WDR70: variants seen among roughly 807,000 people sequenced by gnomAD.
The protein encoded by WDR70 is WD repeat domain 70.
Under a neutral mutation model 88.6 loss-of-function variants are expected in WDR70, and 53 were observed. The ratio of observed to expected loss-of-function variants is 0.60; its 90% CI spans 0.48 to 0.75. The LOEUF (loss-of-function observed/expected upper bound fraction) is 0.75. Among genes scored for constraint, WDR70 ranks in the 30% least tolerant of loss-of-function variants. The pLI, the probability that WDR70 is intolerant of heterozygous loss-of-function variation, is 0.00. For synonymous variants in WDR70, 280 were observed against 270.0 expected (o/e 1.04, Z -0.36); for missense variants, 610 against 823.2 (o/e 0.74, Z 3.17).
At chr5:37,734,651 A>G (rs1748246737) in intron 17 of WDR70, among the ~76,000 whole-genome samples, 1 of 152,088 alleles carries the variant, frequency 6.6e-6, no homozygotes. Flanking sequence ...AGGCGGAGAA[A>G]AGGCGCTATT....
intron 10 of WDR70, among the ~76,000 whole-genome samples, chr5:37,668,245 A>C (rs1008690844): frequency 5.9e-5 from 9 of 152,182 alleles, no homozygotes; most frequent in Non-Finnish European, 1.5e-5. Flanking sequence ...TTTTTTTCCC[A>C]GTAAAAATTA....
At chr5:37,750,840 G>C (rs989186347) in intron 17 of WDR70, among the ~76,000 whole-genome samples, 1 of 152,174 alleles carries the variant, frequency 6.6e-6, no homozygotes, top group Non-Finnish European at 1.5e-5. Flanking sequence ...CCTAGTCTCA[G>C]ATATGTCTTT....
rs146528064 is a variant in WDR70, at chr5:37,535,179, G to C, written c.917+18589G>C. Among the ~76,000 whole-genome samples the C allele has an allele frequency of 2.6e-4, 39 of 151,926 alleles. No homozygotes were observed. The East Asian group carries it at 7.5e-3, about 29-fold the overall frequency. On this transcript the variant is annotated intron_variant, in intron 9 of 17. Transcript: ENST00000265107. ...AAAACGATAAAGAGTAGGAGAGAGG[G>C]GTCTACTGCACGTAGAGTAGTCAGA...
At chr5:37,695,560 T>C (rs1746955977) in intron 10 of WDR70, among the ~76,000 whole-genome samples, 1 of 152,204 alleles carries the variant, frequency 6.6e-6, no homozygotes, top group Admixed American at 6.5e-5. Context: ...AGCTCATTGG[T>C]TGTTGGCAGG....
At chr5:37,468,757 A>G (rs1739237086) in intron 7 of WDR70, among the ~76,000 whole-genome samples, 1 of 152,254 alleles carries the variant, frequency 6.6e-6, no homozygotes, top group African/African-American at 2.4e-5. Flanking sequence ...AAAAAATTGC[A>G]TCTGTACTGA....
intron 17 of WDR70, 79 bp downstream of exon 17, chr5:37,727,124 T>G: frequency 6.7e-7 from 1 of 1,495,714 alleles, no homozygotes. Flanking sequence ...TGTTTTTGAG[T>G]TCTAACTTCT....
At chr5:37,710,955 T>C (rs948252653) in intron 13 of WDR70, among the ~76,000 whole-genome samples, 1 of 152,010 alleles carries the variant, frequency 6.6e-6, no homozygotes, top group Non-Finnish European at 1.5e-5. Flanking sequence ...CTGAAAAGTA[T>C]GTAGGTCTCT....
chr5:37,562,638 T>C (rs1288600937), intron 9 of WDR70, among the ~76,000 whole-genome samples: 1 of 151,868 alleles, frequency 6.6e-6, no homozygotes, highest in Non-Finnish European at 1.5e-5. Context: ...GATTAGGGAG[T>C]GGTGATGACT....
chr5:37,548,910 A>T (rs1742068833), intron 9 of WDR70, among the ~76,000 whole-genome samples: 1 of 152,074 alleles, frequency 6.6e-6, no homozygotes, highest in Non-Finnish European at 1.5e-5. Context: ...TCTTTTCCTC[A>T]GTGTATGTTC....
At chr5:37,702,322 G>A (rs1334218763) in intron 12 of WDR70, among the ~76,000 whole-genome samples, 1 of 152,176 alleles carries the variant, frequency 6.6e-6, no homozygotes, top group Non-Finnish European at 1.5e-5. Context: ...CCTGCTGCAA[G>A]TAATGCTAAC....
chr5:37,629,685 C>T (rs895672885), intron 10 of WDR70, among the ~76,000 whole-genome samples: 6 of 151,936 alleles, frequency 3.9e-5, no homozygotes, highest in Non-Finnish European at 8.8e-5. Context: ...AGTTGTTTTC[C>T]TGATTTTGTT....
intron 7 of WDR70, among the ~76,000 whole-genome samples, chr5:37,473,276 A>T (rs920675666): frequency 6.6e-6 from 1 of 150,906 alleles, no homozygotes; most frequent in African/African-American, 2.4e-5. Context: ...ATACACGTAC[A>T]CACACAGCAA....
intron 10 of WDR70, among the ~76,000 whole-genome samples, chr5:37,633,083 G>T (rs1184412669): frequency 4.6e-5 from 7 of 152,120 alleles, no homozygotes; most frequent in African/African-American, 1.7e-4. Flanking sequence ...GCTATTCCAT[G>T]TAAGTCTTAC....
intron 10 of WDR70, among the ~76,000 whole-genome samples, chr5:37,650,757 G>A (rs1157633467): frequency 1.3e-5 from 2 of 152,114 alleles, no homozygotes; most frequent in African/African-American, 2.4e-5. Flanking sequence ...TGGGTATGGA[G>A]GGGAGAGCAG....
chr5:37,600,887 T>C (rs1269729515), intron 9 of WDR70, among the ~76,000 whole-genome samples: 3 of 152,260 alleles, frequency 2.0e-5, no homozygotes, highest in Non-Finnish European at 4.4e-5. Context: ...CTTTCCTGAA[T>C]TTGTTTCCCT....
At chr5:37,435,131 C>G (rs1750429098) in intron 5 of WDR70, among the ~76,000 whole-genome samples, 1 of 152,134 alleles carries the variant, frequency 6.6e-6, no homozygotes, top group African/African-American at 2.4e-5. Context: ...AATATAAATA[C>G]TAAGTTGTGT....
At chr5:37,543,455 A>G (rs909415146) in intron 9 of WDR70, among the ~76,000 whole-genome samples, 2 of 152,172 alleles carry the variant, frequency 1.3e-5, no homozygotes, top group Non-Finnish European at 2.9e-5. Context: ...TTTAAATGGT[A>G]TAGCAAAAAT....
chr5:37,679,547 AT>A (rs1746355059), intron 10 of WDR70, among the ~76,000 whole-genome samples: 2 of 152,108 alleles, frequency 1.3e-5, no homozygotes, highest in Non-Finnish European at 2.9e-5. Flanking sequence ...AGAACAGCGG[AT>A]TTTCGTGAAC....
intron 17 of WDR70, among the ~76,000 whole-genome samples, chr5:37,743,910 C>G (rs1453768345): frequency 2.6e-5 from 4 of 152,202 alleles, no homozygotes; most frequent in Non-Finnish European, 5.9e-5. Flanking sequence ...CCCTCTCCAC[C>G]AAGGGACAAA....
Sources: gnomAD v4.1 joint callset for allele counts (sites outside exome capture counted in the v4.1 genomes callset) on GRCh38, gnomAD v4.1.1 for gene constraint, MANE v1.5 for transcripts, NCBI Gene and HGNC (gene_info 2026-07-23, HGNC 2026-07-21) for gene names.